The following RORA variants were observed in gnomAD, a reference collection of about 807,000 sequenced individuals.
RORA encodes RAR related orphan receptor A.
Under a neutral mutation model 69.5 loss-of-function variants are expected in RORA, and 7 were observed. That is an observed-to-expected ratio of 0.10 (90% confidence interval 0.06 to 0.19). RORA has a LOEUF of 0.19. Among genes scored for constraint, RORA ranks in the 10% least tolerant of loss-of-function variants. The pLI is 1.00. For synonymous variants in RORA, 261 were observed against 240.8 expected, an observed-to-expected ratio of 1.08 and a Z score of -0.78; for missense variants, 457 against 663.0, an observed-to-expected ratio of 0.69 and a Z score of 3.41.
chr15:60,837,810 A>C (rs1001615978), intron 1 of RORA, among the ~76,000 whole-genome samples: 116 of 152,228 alleles, frequency 7.6e-4, no homozygotes, highest in African/African-American at 2.6e-3. Context: ...GAAAAAAAAA[A>C]CAAAAACCTG....
intron 1 of RORA, among the ~76,000 whole-genome samples, chr15:60,755,327 C>T (rs9920526): frequency 0.2 from 30,968 of 151,612 alleles, 3,717 homozygotes; most frequent in African/African-American, 0.34. Context: ...TCCTTTTTTA[C>T]GGCTGCATAG....
At chr15:60,995,505 T>G (rs373520855) in intron 1 of RORA, among the ~76,000 whole-genome samples, 1 of 152,198 alleles carries the variant, frequency 6.6e-6, no homozygotes, top group Non-Finnish European at 1.5e-5. Context: ...TTCCTCCCCC[T>G]GACCAGGTCT....
chr15:61,040,402 G>C (rs573620922), intron 1 of RORA, among the ~76,000 whole-genome samples: 2 of 151,756 alleles, frequency 1.3e-5, no homozygotes, highest in African/African-American at 4.8e-5. Context: ...TAGTCTGCTT[G>C]CCTGACCTCA....
intron 1 of RORA, among the ~76,000 whole-genome samples, chr15:60,846,564 G>T (rs1315132801): frequency 6.6e-6 from 1 of 152,172 alleles, no homozygotes; most frequent in East Asian, 1.9e-4. Context: ...TAATTTGACT[G>T]AAGCGCTAAA....
chr15:60,606,919 C>T (rs1490062668), intron 2 of RORA, among the ~76,000 whole-genome samples: 1 of 152,082 alleles, frequency 6.6e-6, no homozygotes, highest in African/African-American at 2.4e-5. Context: ...ACTAAAACTC[C>T]AAGAACCAAA....
intron 3 of RORA, among the ~76,000 whole-genome samples, chr15:60,516,149 ATATATATATATT>A (rs1261606372): frequency 1.4e-4 from 5 of 34,790 alleles, no homozygotes; most frequent in Admixed American, 5.7e-4. Flanking sequence ...ATATATATTT[ATATATATATATT>A]TATATATATA....
intron 1 of RORA, among the ~76,000 whole-genome samples, chr15:61,174,315 C>A (rs916993215): frequency 3.9e-5 from 6 of 152,236 alleles, no homozygotes; most frequent in Non-Finnish European, 5.9e-5. Flanking sequence ...TTCCTAGTTT[C>A]ACCCAGTAAG....
chr15:60,827,212 G>A (rs546005668), intron 1 of RORA, among the ~76,000 whole-genome samples: 45 of 152,164 alleles, frequency 3.0e-4, no homozygotes, highest in Middle Eastern at 6.8e-3. Flanking sequence ...TTCTTTTTCA[G>A]GGCTGAGGCA....
At chr15:60,625,076 C>T (rs28724570) in intron 2 of RORA, among the ~76,000 whole-genome samples, 71,482 of 151,868 alleles carry the variant, frequency 0.47, 16,776 homozygotes, top group East Asian at 0.52. Context: ...GACTAAAACC[C>T]GCTACAATGT....
chr15:60,716,057 C>T (rs530955157), intron 1 of RORA, among the ~76,000 whole-genome samples: 67 of 152,046 alleles, frequency 4.4e-4, no homozygotes, highest in South Asian at 1.7e-3. Flanking sequence ...AATGTGCATA[C>T]GAATTGCCTG....
chr15:60,915,058 T>C (rs928056799), intron 1 of RORA, among the ~76,000 whole-genome samples: 2 of 152,156 alleles, frequency 1.3e-5, no homozygotes, highest in African/African-American at 2.4e-5. Flanking sequence ...ATACCCAAGA[T>C]TGCCCAGCTA....
intron 1 of RORA, among the ~76,000 whole-genome samples, chr15:60,921,998 T>C (rs1354195752): frequency 1.3e-5 from 2 of 152,214 alleles, no homozygotes; most frequent in Non-Finnish European, 2.9e-5. Flanking sequence ...TCAATAATTA[T>C]CAGCCTATGG....
intron 1 of RORA, among the ~76,000 whole-genome samples, chr15:60,909,710 G>C (rs1298251702): frequency 1.3e-5 from 2 of 152,258 alleles, no homozygotes; most frequent in Non-Finnish European, 2.9e-5. Context: ...CAGAACACTA[G>C]CATGGGCTTT....
At chr15:61,110,708 C>T (rs2078998429) in intron 1 of RORA, among the ~76,000 whole-genome samples, 1 of 152,110 alleles carries the variant, frequency 6.6e-6, no homozygotes, top group Admixed American at 6.5e-5. Context: ...GTCATAGAGT[C>T]ATCCATAAGC....
intron 1 of RORA, among the ~76,000 whole-genome samples, chr15:61,161,855 C>A (rs1372134611): frequency 6.6e-6 from 1 of 152,012 alleles, no homozygotes; most frequent in East Asian, 1.9e-4. Context: ...AATAAAAATA[C>A]AATGATATAC....
At chr15:61,211,513 C>T (rs1049583668) in intron 1 of RORA, among the ~76,000 whole-genome samples, 1 of 152,206 alleles carries the variant, frequency 6.6e-6, no homozygotes. Flanking sequence ...CCATAAAAAA[C>T]AGGCTTTCCT....
intron 1 of RORA, among the ~76,000 whole-genome samples, chr15:60,874,498 T>C (rs983707609): frequency 8.5e-5 from 13 of 152,194 alleles, no homozygotes; most frequent in Non-Finnish European, 1.8e-4. Context: ...AACTCCACCA[T>C]TGTGGTACAA....
At chr15:60,677,786 T>C (rs1265448526) in intron 2 of RORA, among the ~76,000 whole-genome samples, 3 of 152,328 alleles carry the variant, frequency 2.0e-5, no homozygotes, top group South Asian at 2.1e-4. Context: ...GTCCCTGTAT[T>C]GTGCCATAAA....
intron 1 of RORA, among the ~76,000 whole-genome samples, chr15:60,898,456 C>T (rs941340670): frequency 5.3e-5 from 8 of 151,530 alleles, no homozygotes; most frequent in African/African-American, 1.7e-4. Flanking sequence ...GCAGGAAGAT[C>T]GCTTTGAGAA....
Sources: allele counts gnomAD v4.1 joint callset (sites outside exome capture counted in the v4.1 genomes callset), GRCh38; gene constraint gnomAD v4.1.1; transcripts MANE v1.5; gene names NCBI Gene and HGNC (gene_info 2026-07-23, HGNC 2026-07-21).